Variants in POLR3C observed in about 807,000 individuals in gnomAD.
POLR3C encodes RNA polymerase III subunit C.
Under a neutral mutation model 65.9 loss-of-function variants are expected in POLR3C, and 44 were observed. That is an observed-to-expected ratio of 0.67 (90% CI 0.52 to 0.86). The LOEUF is 0.86. Ranked by LOEUF, POLR3C falls within the 40% of genes least tolerant of loss-of-function variation. POLR3C has a pLI of 0.00. For synonymous variants in POLR3C, 263 were observed against 231.6 expected (o/e 1.14, Z -1.23); for missense variants, 576 against 653.2 (o/e 0.88, Z 1.29).
intron 5 of POLR3C, among the ~76,000 whole-genome samples, chr1:145,832,405 G>A (rs868937055): frequency 6.6e-6 from 1 of 152,182 alleles, no homozygotes; most frequent in African/African-American, 2.4e-5. Context: ...TGATAAGAAG[G>A]CGGTAGAGAA....
At chr1:145,839,797 G>A (rs1230420073) in intron 11 of POLR3C, 93 bp from the exon 12 acceptor site, 3 of 709,518 alleles carry the variant, frequency 4.2e-6, no homozygotes, top group Non-Finnish European at 5.1e-6. Flanking sequence ...AAGTAAAAAG[G>A]AGGGCTAAGT....
chr1:145,834,617 G>A (rs182523441), intron 7 of POLR3C, among the ~76,000 whole-genome samples: 33 of 152,066 alleles, frequency 2.2e-4, no homozygotes, highest in African/African-American at 6.7e-4. Context: ...AGAGGTTGCA[G>A]TGAGCCAAGA....
intron 5 of POLR3C, among the ~76,000 whole-genome samples, chr1:145,829,647 G>T (rs1217380799): frequency 6.6e-6 from 1 of 152,150 alleles, no homozygotes; most frequent in Non-Finnish European, 1.5e-5. Flanking sequence ...GTCTTCGTAT[G>T]ATCTGCTGGA....
At chr1:145,836,983 G>T in intron 9 of POLR3C, 117 bp downstream of exon 9, 1 of 568,156 alleles carries the variant, frequency 1.8e-6, no homozygotes, top group South Asian at 2.5e-5. Context: ...GAAAATTGAA[G>T]TAATTGTTAA....
chr1:145,841,129 G>T, intron 14 of POLR3C, 58 bp downstream of exon 14: 2 of 1,481,870 alleles, frequency 1.3e-6, no homozygotes, highest in Non-Finnish European at 1.9e-6. Context: ...AATCCATTTT[G>T]ACCTCCTGTA....
chr1:145,837,698 C>T, intron 10 of POLR3C, 102 bp downstream of exon 10: 1 of 814,086 alleles, frequency 1.2e-6, no homozygotes, highest in South Asian at 1.4e-5. Flanking sequence ...CCTTGGCATA[C>T]TTTTCCCCAT....
chr1:145,833,435 C>T, intron 6 of POLR3C, 55 bp from the exon 7 acceptor site: 1 of 1,538,462 alleles, frequency 6.5e-7, no homozygotes, highest in Non-Finnish European at 9.0e-7. Context: ...GCCATTGGCA[C>T]ATAGAGCCAG....
At chr1:145,834,758 C>T (rs1553728111) in intron 7 of POLR3C, among the ~76,000 whole-genome samples, 2 of 152,126 alleles carry the variant, frequency 1.3e-5, no homozygotes, top group African/African-American at 4.8e-5. Flanking sequence ...TAATATGGGA[C>T]CACAGCTGCA....
Position 145,836,862 on chromosome 1 carries a change from C to G in POLR3C, c.1005C>G (p.Val335=). Residue 335 remains valine, a synonymous_variant, in exon 9 of 15, where the codon GTC becomes GTG. Coordinates refer to ENST00000334163, the MANE Select transcript of POLR3C (RefSeq NM_006468.8). ...KSGDSGGGMY[V]INLHKALASL... is the part of the protein sequence containing the mutation. ...GCGACAGTGGTGGAGGAATGTATGT[C>G]ATCAGTATCCTTACCAGTTATTTCC... The G allele has an allele frequency of 6.4e-7, 1 of 1,560,136 alleles. No homozygotes were observed. The highest frequency in any genetic ancestry group is 8.8e-7 in the Non-Finnish European group (1 of 1,132,922).
chr1:145,826,450 T>G lies in POLR3C; in HGVS notation c.148-4T>G, dbSNP rs782529107. The G allele has an allele frequency of 2.5e-6, 4 of 1,612,564 alleles. No individual in the cohort carries two copies. The East Asian group carries it at 6.7e-5, about 27-fold the overall frequency. On this transcript the variant is annotated splice_region_variant and splice_polypyrimidine_tract_variant and intron_variant, in intron 2 of 14. Coordinates refer to ENST00000334163, the MANE Select transcript of POLR3C (RefSeq NM_006468.8). ...TCTCTTTCTTCTCTTTATGTTCCAT[T>G]TAGGTGAAGAAAGCCCTGTGTGTCC... is the stretch of plus-strand genomic sequence containing the variant.
intron 5 of POLR3C, 105 bp downstream of exon 5, chr1:145,828,942 G>A (rs1446989608): frequency 4.3e-6 from 3 of 691,434 alleles, no homozygotes; most frequent in African/African-American, 3.6e-5. Context: ...CTAAGAAGCA[G>A]TAGGATTATG....
At chr1:145,837,972 G>T in intron 10 of POLR3C, 84 bp from the exon 11 acceptor site, 1 of 1,261,626 alleles carries the variant, frequency 7.9e-7, no homozygotes, top group African/African-American at 1.5e-5. Flanking sequence ...TTCACACATG[G>T]AATAGAACAA....
chr1:145,841,996 C>A (rs1369612454), intron 14 of POLR3C, among the ~76,000 whole-genome samples: 1 of 152,096 alleles, frequency 6.6e-6, no homozygotes, highest in African/African-American at 2.4e-5. Flanking sequence ...TCTTCCTAAT[C>A]ACCACTCACT....
rs1553730800 is a variant in POLR3C at position 145,842,396 on chromosome 1, T to G, written c.1581T>G (p.Ile527Met). 1 of 1,609,400 alleles carries G rather than the reference T, an allele frequency of 6.2e-7. No homozygotes were observed. Among genetic ancestry groups the G allele is most frequent in the Non-Finnish European group, 8.5e-7 (1 of 1,176,260 alleles). The change falls in exon 15 of 15, where the codon ATT becomes ATG. Residue 527 changes from isoleucine (I) to methionine (M), a missense_variant. By Grantham distance (10) the Ile-to-Met change is conservative (BLOSUM62 1). Coordinates refer to ENST00000334163, the MANE Select transcript of POLR3C (RefSeq NM_006468.8). ...DETIFLLESY[I>M]ECTMKRQ ...CCATCTTCCTGCTGGAGTCTTACAT[T>G]GAGTGCACCATGAAGAGACAGTGAT...
In POLR3C at chr1:145,828,733, ATTGT is replaced by A. The variant is rs782411580; in HGVS notation, c.590-8_590-5del. On this transcript the variant is annotated splice_polypyrimidine_tract_variant and intron_variant, in intron 4 of 14. Transcript: ENST00000334163. ...ATATGAGATATAGTCTAAGTGTTTA[ATTGT>A]TTGTTTGGCAGGGAAAGGTAAAAGG... 1.7e-5 allele frequency: 26 copies of A among 1,548,886 alleles called. No homozygotes were observed. In the Admixed American group the frequency reaches 3.2e-4, roughly 19 times the overall value.
Position 145,839,903 on chromosome 1 carries a change from C to T in POLR3C, c.1235C>T (p.Thr412Ile), listed in dbSNP as rs1187644649. Residue 412 changes from threonine (T) to isoleucine (I), a missense_variant, in exon 12 of 15, where the codon ACA (threonine) becomes ATA (isoleucine). Physicochemically the swap from Thr to Ile is moderately conservative, Grantham distance 89. Transcript: ENST00000334163. ...NFMSLQEIPK[T>I]PDHAPSRTFY... Reference sequence around the variant, plus strand: ...TTGGACAAATAGGAAATTCCCAAAACACCAGACCATGCCCCATCCAGGACC... The same window carrying T: ...TTGGACAAATAGGAAATTCCCAAAATACCAGACCATGCCCCATCCAGGACC... 1 of 1,596,906 alleles carries T rather than the reference C, an allele frequency of 6.3e-7. No homozygotes were observed. Among genetic ancestry groups the T allele is most frequent in the Non-Finnish European group, 8.6e-7 (1 of 1,164,538 alleles).
Position 145,825,747 on chromosome 1 carries a change from T to G in POLR3C, c.-20-10T>G. 1 of 1,596,334 alleles carries G rather than the reference T, an allele frequency of 6.3e-7. No individual in the cohort carries two copies. The highest frequency in any genetic ancestry group is 1.1e-5 in the South Asian group (1 of 89,556). On this transcript the variant is annotated splice_polypyrimidine_tract_variant and intron_variant, in intron 1 of 14. Transcript: ENST00000334163. ...CTTTCTATTGTACCATTTTGGTGTT[T>G]TTTCCCTAGCTCTCAGACTCCCCAG...
chr1:145,827,975 C>G (rs587756888), intron 4 of POLR3C, among the ~76,000 whole-genome samples: 1 of 147,796 alleles, frequency 6.8e-6, no homozygotes, highest in Non-Finnish European at 1.5e-5. Context: ...CGGGATTCAT[C>G]TGGGAGTTTA....
Position 145,828,739 on chromosome 1 carries a change from T to C in POLR3C, c.590-10T>C, listed in dbSNP as rs1553726428. On this transcript the variant is annotated splice_polypyrimidine_tract_variant and intron_variant, in intron 4 of 14. Coordinates refer to ENST00000334163, the MANE Select transcript of POLR3C (RefSeq NM_006468.8). ...GATATAGTCTAAGTGTTTAATTGTT[T>C]GTTTGGCAGGGAAAGGTAAAAGGAG... 6.3e-7 allele frequency: 1 copy of C among 1,587,874 alleles called. No individual in the cohort carries two copies. The highest frequency in any genetic ancestry group is 1.7e-5 in the Admixed American group (1 of 59,980).
Sources: allele counts gnomAD v4.1 joint callset (sites outside exome capture counted in the v4.1 genomes callset), GRCh38; gene constraint gnomAD v4.1.1; transcripts MANE v1.5; gene names NCBI Gene and HGNC (gene_info 2026-07-23, HGNC 2026-07-21).